The following LRRFIP2 variants were observed in gnomAD, a reference collection of about 807,000 sequenced individuals.
LRRFIP2 encodes LRR binding FLII interacting protein 2.
In LRRFIP2, 109 loss-of-function variants were observed where a neutral mutation model predicts 125.9. The observed-to-expected ratio is 0.87, with a 90% CI of 0.74 to 1.01. The LOEUF (loss-of-function observed/expected upper bound fraction) is 1.01, where lower values mean the gene tolerates loss of function less well. LRRFIP2 is among the 50% of genes least tolerant of loss of function. The probability of loss-of-function intolerance (pLI) is 0.00; values close to 1 mark genes in which losing one functional copy is unlikely to be tolerated. For synonymous variants in LRRFIP2, 291 were observed against 293.1 expected, an observed-to-expected ratio of 0.99 and a Z score of 0.07; for missense variants, 850 against 862.3, an observed-to-expected ratio of 0.99 and a Z score of 0.18.
In LRRFIP2 at chr3:37,063,791, T is replaced by A; in HGVS notation, c.1700A>T (p.Asp567Val). 1 of 1,609,622 alleles carries A rather than the reference T, an allele frequency of 6.2e-7. No homozygotes were observed. Among genetic ancestry groups the A allele is most frequent in the Non-Finnish European group, 8.5e-7 (1 of 1,176,104 alleles). Residue 567 changes from aspartate (D) to valine (V), a missense_variant and splice_region_variant, in exon 24 of 28, where the codon GAT becomes GTT. Transcript: ENST00000336686. ...TCCAGCAAGTTTTCGTAGCCTTACATCTAAAACAAATGAAAAAGATCATAA... is the reference window on the plus strand; with the variant it reads ...TCCAGCAAGTTTTCGTAGCCTTACAACTAAAACAAATGAAAAAGATCATAA... ...VLESAGEGPL[D>V]VRLRKLAGEK...
chr3:37,167,644 ACT>A (rs1249545680), intron 1 of LRRFIP2, among the ~76,000 whole-genome samples: 1 of 145,386 alleles, frequency 6.9e-6, no homozygotes, highest in African/African-American at 2.6e-5. Context: ...ACAGAGCAAC[ACT>A]CTGTCTCAAA....
intron 19 of LRRFIP2, among the ~76,000 whole-genome samples, chr3:37,078,084 C>G (rs2092284741): frequency 1.3e-5 from 2 of 151,884 alleles, no homozygotes; most frequent in Admixed American, 1.3e-4. Context: ...CTGATGTACA[C>G]TAATGTGAAT....
intron 14 of LRRFIP2, 140 bp from the exon 15 acceptor site, chr3:37,103,153 C>T (rs1426463309): frequency 1.2e-5 from 7 of 583,830 alleles, no homozygotes; most frequent in Non-Finnish European, 1.8e-5. Flanking sequence ...GAGGAAACTG[C>T]TGCAATTAAC....
In LRRFIP2 at chr3:37,121,918, TC is replaced by T. The variant is rs1480147601; in HGVS notation, c.229-228del. Among the ~76,000 whole-genome samples, 8 of 150,990 alleles carry T rather than the reference TC, an allele frequency of 5.3e-5. No homozygotes were observed. The South Asian group carries it at 1.5e-3, about 28-fold the overall frequency. ...TCAATATAGCAGTACTAGTTTTCTT[TC>T]TTTTTTTTTTTAATTATACTTTAAG... is the stretch of plus-strand genomic sequence containing the variant. On this transcript the variant is annotated intron_variant, in intron 4 of 27. Coordinates refer to ENST00000336686, the MANE Select transcript of LRRFIP2 (RefSeq NM_006309.4).
Position 37,110,995 on chromosome 3 carries a change from G to C in LRRFIP2, c.509C>G (p.Thr170Ser). The change falls in exon 9 of 28, where the codon ACT becomes AGT. Residue 170 changes from threonine to serine, a missense_variant. Physicochemically the swap from Thr to Ser is moderately conservative, Grantham distance 58 (BLOSUM62 1). Transcript: ENST00000336686. ...GCCAAAAAAGTTTAGACAAACCCGA[G>C]TGTAGTAGGCAGAGGTGGGTTTGCT... Reference protein sequence around the residue: ...RHSKPTSAYYTRQSSSLYSDP... With the variant: ...RHSKPTSAYYSRQSSSLYSDP... 6.2e-7 allele frequency: 1 copy of C among 1,613,504 alleles called. No individual in the cohort carries two copies. The highest frequency in any genetic ancestry group is 2.2e-5 in the East Asian group (1 of 44,780).
intron 20 of LRRFIP2, 135 bp downstream of exon 20, chr3:37,074,889 A>T: frequency 1.7e-6 from 1 of 582,764 alleles, no homozygotes; most frequent in Non-Finnish European, 3.0e-6. Flanking sequence ...TTATGTTTGA[A>T]AATTTGTAGT....
chr3:37,072,074 A>G (rs1047758329), intron 21 of LRRFIP2, among the ~76,000 whole-genome samples: 4 of 152,136 alleles, frequency 2.6e-5, no homozygotes, highest in African/African-American at 9.7e-5. Flanking sequence ...CCTATTTTAT[A>G]CACCAAGGAT....
intron 18 of LRRFIP2, among the ~76,000 whole-genome samples, chr3:37,088,796 C>CT (rs1389394311): frequency 6.6e-6 from 1 of 151,478 alleles, no homozygotes; most frequent in Non-Finnish European, 1.5e-5. Context: ...GAGACCTTGT[C>CT]TCTAAAAAAA....
chr3:37,144,788 C>T (rs937789553), intron 2 of LRRFIP2, among the ~76,000 whole-genome samples: 2 of 152,092 alleles, frequency 1.3e-5, no homozygotes, highest in Non-Finnish European at 2.9e-5. Context: ...CACATATGTT[C>T]CATAACATAA....
At chr3:37,083,997 A>T (rs1392304243) in intron 18 of LRRFIP2, among the ~76,000 whole-genome samples, 191 bp from the exon 19 acceptor site, 1 of 152,238 alleles carries the variant, frequency 6.6e-6, no homozygotes, top group Non-Finnish European at 1.5e-5. Flanking sequence ...TAATGCCTTT[A>T]TAAGAACAAT....
At chr3:37,164,787 G>C (rs958155420) in intron 1 of LRRFIP2, among the ~76,000 whole-genome samples, 1 of 151,962 alleles carries the variant, frequency 6.6e-6, no homozygotes, top group Non-Finnish European at 1.5e-5. Context: ...AAATTCTAAG[G>C]TGGTTCCCCA....
chr3:37,059,587 G>C (rs1473788156), intron 24 of LRRFIP2, among the ~76,000 whole-genome samples: 1 of 152,022 alleles, frequency 6.6e-6, no homozygotes, highest in South Asian at 2.1e-4. Context: ...AAGAGATCGA[G>C]GCCATCCTGG....
At chr3:37,105,757 T>A (rs1020597319) in intron 13 of LRRFIP2, among the ~76,000 whole-genome samples, 1 of 152,188 alleles carries the variant, frequency 6.6e-6, no homozygotes, top group Admixed American at 6.5e-5. Flanking sequence ...TAAAACCTTA[T>A]ATTTTATTTA....
intron 25 of LRRFIP2, among the ~76,000 whole-genome samples, chr3:37,058,171 G>C (rs988828024): frequency 6.6e-6 from 1 of 152,170 alleles, no homozygotes; most frequent in Non-Finnish European, 1.5e-5. Context: ...TGTGGAAAAG[G>C]ACAGTGCCAG....
At chr3:37,086,099 C>A (rs995468202) in intron 18 of LRRFIP2, among the ~76,000 whole-genome samples, 3 of 152,212 alleles carry the variant, frequency 2.0e-5, no homozygotes, top group South Asian at 2.1e-4. Flanking sequence ...ATGCAAATGG[C>A]AAATAAGCAC....
chr3:37,174,192 G>A (rs1177241006), intron 1 of LRRFIP2: 4 of 152,116 alleles, frequency 2.6e-5, no homozygotes, highest in Non-Finnish European at 5.9e-5. Flanking sequence ...TTTAACTAAA[G>A]TTCTTTATAA....
chr3:37,092,932 G>C (rs994883454), intron 17 of LRRFIP2, among the ~76,000 whole-genome samples: 1 of 151,938 alleles, frequency 6.6e-6, no homozygotes, highest in East Asian at 1.9e-4. Context: ...TCTGCCTCCC[G>C]GGTTCAAGCA....
chr3:37,099,163 G>C (rs775133808), intron 15 of LRRFIP2, among the ~76,000 whole-genome samples: 2 of 152,122 alleles, frequency 1.3e-5, no homozygotes, highest in Non-Finnish European at 2.9e-5. Flanking sequence ...AAGCAACCAT[G>C]CCATAGTTCT....
At chr3:37,122,489 T>C (rs1350097500) in intron 4 of LRRFIP2, among the ~76,000 whole-genome samples, 2 of 152,166 alleles carry the variant, frequency 1.3e-5, no homozygotes, top group Non-Finnish European at 2.9e-5. Context: ...CATTAATCTA[T>C]TTTTTCATTG....
Sources: gnomAD v4.1 joint callset for allele counts (sites outside exome capture counted in the v4.1 genomes callset) on GRCh38, gnomAD v4.1.1 for gene constraint, MANE v1.5 for transcripts, NCBI Gene and HGNC (gene_info 2026-07-23, HGNC 2026-07-21) for gene names.